SLC35F3: variants seen among roughly 807,000 people sequenced by gnomAD.
SLC35F3 encodes the protein putative thiamine transporter SLC35F3.
In SLC35F3, 25 loss-of-function variants were observed where a neutral mutation model predicts 49.9. The ratio of observed to expected loss-of-function variants is 0.50; its 90% CI spans 0.37 to 0.70. The LOEUF (loss-of-function observed/expected upper bound fraction) is 0.70. Among genes scored for constraint, SLC35F3 ranks in the 30% least tolerant of loss-of-function variants. The probability of loss-of-function intolerance (pLI) is 0.00; values close to 1 mark genes in which losing one functional copy is unlikely to be tolerated. For missense variants in SLC35F3, 525 were observed against 639.8 expected (o/e 0.82, Z 1.94); for synonymous variants, 275 against 265.4 (o/e 1.04, Z -0.35).
chr1:234,081,944 A>C (rs1664884202), intron 2 of SLC35F3, among the ~76,000 whole-genome samples: 1 of 75,230 alleles, frequency 1.3e-5, no homozygotes. Flanking sequence ...TTTAGTAGAG[A>C]CAGGGTTTCA....
At chr1:234,123,555 G>A (rs948779844) in intron 2 of SLC35F3, among the ~76,000 whole-genome samples, 3 of 151,114 alleles carry the variant, frequency 2.0e-5, no homozygotes, top group East Asian at 2.0e-4. Context: ...GACTACAGGC[G>A]TGTGCCACCA....
At chr1:234,287,403 C>A (rs1422505136) in intron 3 of SLC35F3, among the ~76,000 whole-genome samples, 1 of 152,098 alleles carries the variant, frequency 6.6e-6, no homozygotes. Flanking sequence ...GGATTTGGTT[C>A]CACAACGGCC....
intron 3 of SLC35F3, among the ~76,000 whole-genome samples, chr1:234,294,266 G>A (rs749912767): frequency 3.9e-5 from 6 of 152,286 alleles, no homozygotes; most frequent in African/African-American, 9.6e-5. Context: ...CCTCGACAGC[G>A]TTGAGCCGAA....
intron 3 of SLC35F3, among the ~76,000 whole-genome samples, chr1:234,241,207 C>T (rs1242433416): frequency 1.3e-5 from 2 of 152,114 alleles, no homozygotes; most frequent in African/African-American, 2.4e-5. Flanking sequence ...AGACATTATA[C>T]GGGCTTCCCA....
At chr1:234,124,099 C>G (rs1211410055) in intron 2 of SLC35F3, among the ~76,000 whole-genome samples, 1 of 152,170 alleles carries the variant, frequency 6.6e-6, no homozygotes, top group African/African-American at 2.4e-5. Flanking sequence ...TGGAGCTTTC[C>G]CACTGAGAGT....
chr1:234,162,381 CAAAAAAAAAAAAAAAAAAA>C (rs147145054), intron 2 of SLC35F3, among the ~76,000 whole-genome samples: 1 of 58,546 alleles, frequency 1.7e-5, no homozygotes, highest in Non-Finnish European at 3.0e-5. Flanking sequence ...AGCCTCTGTG[CAAAAAAAAAAAAAAAAAAA>C]AAAAAAAAAA....
At chr1:233,984,982 A>G (rs193077613) in intron 2 of SLC35F3, among the ~76,000 whole-genome samples, 1 of 151,878 alleles carries the variant, frequency 6.6e-6, no homozygotes, top group Admixed American at 6.6e-5. Flanking sequence ...TGTAAAGGAA[A>G]TCAAGATTTT....
At chr1:234,051,110 T>G (rs1256896848) in intron 2 of SLC35F3, among the ~76,000 whole-genome samples, 1 of 152,226 alleles carries the variant, frequency 6.6e-6, no homozygotes, top group Non-Finnish European at 1.5e-5. Flanking sequence ...AGGATTGTCT[T>G]GGCATTGCGG....
intron 4 of SLC35F3, among the ~76,000 whole-genome samples, chr1:234,313,245 C>T (rs989722191): frequency 2.0e-5 from 3 of 152,304 alleles, no homozygotes; most frequent in East Asian, 3.9e-4. Context: ...TCACCTAGGG[C>T]ACCACTAACC....
chr1:233,954,829 G>A (rs1386759436), intron 2 of SLC35F3, among the ~76,000 whole-genome samples: 2 of 152,084 alleles, frequency 1.3e-5, no homozygotes, highest in African/African-American at 4.8e-5. Flanking sequence ...CCTGGGACAA[G>A]GAATCCCCAG....
chr1:234,016,917 G>A (rs752949016), intron 2 of SLC35F3, among the ~76,000 whole-genome samples: 6 of 152,150 alleles, frequency 3.9e-5, no homozygotes, highest in African/African-American at 1.4e-4. Context: ...AGCTCAGAGG[G>A]CACACGTGTG....
chr1:234,055,235 C>T lies in SLC35F3; in HGVS notation c.283+149477C>T, dbSNP rs552860238. ...GCCTTTTGTTCAGCTATGCCCTGCC[C>T]CCAGAGGTCTACAGAGTCTATAGAG... On this transcript the variant is annotated intron_variant, in intron 2 of 7. Coordinates refer to ENST00000366618, the MANE Select transcript of SLC35F3 (RefSeq NM_173508.4). Among the ~76,000 whole-genome samples, 8 of 152,310 alleles carry T rather than the reference C, an allele frequency of 5.3e-5. 1 individual carries two copies. In the South Asian group the frequency reaches 1.7e-3, roughly 32 times the overall value.
At chr1:234,107,523 C>G (rs1665302367) in intron 2 of SLC35F3, among the ~76,000 whole-genome samples, 1 of 152,178 alleles carries the variant, frequency 6.6e-6, no homozygotes, top group Admixed American at 6.6e-5. Context: ...TCTACCACTT[C>G]AGCTATTATA....
intron 2 of SLC35F3, among the ~76,000 whole-genome samples, chr1:234,044,688 C>T (rs1253172178): frequency 6.6e-6 from 1 of 152,038 alleles, no homozygotes; most frequent in Non-Finnish European, 1.5e-5. Flanking sequence ...CCTAGATTAC[C>T]AATACATTTT....
At chr1:233,918,145 G>C (rs916480295) in intron 2 of SLC35F3, among the ~76,000 whole-genome samples, 1 of 152,256 alleles carries the variant, frequency 6.6e-6, no homozygotes, top group African/African-American at 2.4e-5. Flanking sequence ...CCAAAGGGAA[G>C]GCTGTGCCTC....
intron 2 of SLC35F3, among the ~76,000 whole-genome samples, chr1:234,087,424 C>T (rs1664977444): frequency 2.6e-5 from 4 of 152,354 alleles, no homozygotes; most frequent in Middle Eastern, 3.4e-3. Flanking sequence ...GTTGCTCCTT[C>T]ATACTTACAG....
intron 2 of SLC35F3, among the ~76,000 whole-genome samples, chr1:234,108,281 T>TA (rs1185374095): frequency 2.1e-5 from 1 of 47,270 alleles, no homozygotes; most frequent in Non-Finnish European, 3.9e-5. Flanking sequence ...AAGATATATA[T>TA]TATTTATATA....
chr1:234,214,455 T>A lies in SLC35F3; in HGVS notation c.284-16962T>A. 1 of 1,513,286 alleles carries A rather than the reference T, an allele frequency of 6.6e-7. No individual in the cohort carries two copies. 93.7% of individuals were successfully genotyped at this position (1,513,286 alleles called of 1,614,324 possible). On this transcript the variant is annotated intron_variant, in intron 2 of 7. Transcript: ENST00000366618. The surrounding 1 kb of genome is among the most constrained non-coding windows in gnomAD (Gnocchi z 8.0). ...AGACGCGCTCCAGCCGGCCCCAGGA[T>A]GTAGGCGATCGGCGGCAGCGCTCCT... is the stretch of plus-strand genomic sequence containing the variant.
intron 2 of SLC35F3, among the ~76,000 whole-genome samples, chr1:233,913,192 A>G (rs1661910998): frequency 6.6e-6 from 1 of 152,248 alleles, no homozygotes; most frequent in Non-Finnish European, 1.5e-5. Context: ...CAAAGGGACA[A>G]CATATGCACG....
Sources: gnomAD v4.1 joint callset for allele counts (sites outside exome capture counted in the v4.1 genomes callset) on GRCh38, gnomAD v4.1.1 for gene constraint, Gnocchi (gnomAD v3.1) non-coding constraint, MANE v1.5 for transcripts, NCBI Gene and HGNC (gene_info 2026-07-23, HGNC 2026-07-21) for gene names.